KLHL15: variants seen among roughly 807,000 people sequenced by gnomAD.
The protein encoded by KLHL15 is kelch-like protein 15.
KLHL15 carries 1 observed loss-of-function variant against 29.3 expected under a neutral mutation model. The observed-to-expected ratio is 0.03, with a 90% confidence interval of 0.01 to 0.16. The LOEUF (loss-of-function observed/expected upper bound fraction) is 0.16, where lower values mean the gene tolerates loss of function less well. KLHL15 is among the 10% of genes least tolerant of loss of function. The pLI is 1.00. For missense variants in KLHL15, 215 were observed against 478.5 expected, an observed-to-expected ratio of 0.45 and a Z score of 5.14; for synonymous variants, 212 against 184.5, an observed-to-expected ratio of 1.15 and a Z score of -1.21.
intron 3 of KLHL15, among the ~76,000 whole-genome samples, chrX:23,998,906 G>A (rs1929250206): frequency 9.1e-6 from 1 of 109,770 alleles, no homozygotes; most frequent in Non-Finnish European, 1.9e-5. Flanking sequence ...TTTTTTAAAT[G>A]TATTTATTTA....
rs145080138 is a variant in KLHL15 at position 24,011,829 on chromosome X, A to G, written c.-7-5129T>C. 3.9e-3 allele frequency among the ~76,000 whole-genome samples: 431 copies of G among 110,243 alleles called. 4 individuals carry two copies. Among genetic ancestry groups the G allele is most frequent in the African/African-American group, 0.014 (413 of 30,305 alleles). On this transcript the variant is annotated intron_variant, in intron 2 of 3. Transcript: ENST00000328046. ...AAAAAAGAAAAAAAGAAAAAGTCTAAAAGGATAGAATGCCAAAAACATTAA... is the reference window on the plus strand; with the variant it reads ...AAAAAAGAAAAAAAGAAAAAGTCTAGAAGGATAGAATGCCAAAAACATTAA...
In KLHL15 at chrX:24,006,648, T is replaced by C; in HGVS notation, c.46A>G (p.Ser16Gly). The change falls in exon 3 of 4, where the codon AGT becomes GGT. Residue 16 changes from serine (S) to glycine (G), a missense_variant. Ser to Gly is a moderately conservative substitution (Grantham distance 56, BLOSUM62 0). Transcript: ENST00000328046. ...AGTGCTCTGAACCCAGCAGAGACAC[T>C]GGTGTCGTGGATGGAGGAACAGAAT... ...EGFCSSIHDT[S>G]VSAGFRALYE... is the part of the protein sequence containing the mutation. 8.3e-7 allele frequency: 1 copy of C among 1,209,417 alleles called. No homozygotes were observed. The highest frequency in any genetic ancestry group is 3.0e-5 in the East Asian group (1 of 33,808).
chrX:24,023,197 C>G (rs192824218), intron 2 of KLHL15, among the ~76,000 whole-genome samples: 14 of 111,687 alleles, frequency 1.3e-4, no homozygotes, highest in Non-Finnish European at 2.4e-4. Flanking sequence ...TCCATGAAGC[C>G]AAGCCTGCCC....
At chrX:23,990,014 T>C (rs757157243) in intron 3 of KLHL15, among the ~76,000 whole-genome samples, 37 of 109,778 alleles carry the variant, frequency 3.4e-4, no homozygotes, top group African/African-American at 1.2e-3. Context: ...TACCAAGATT[T>C]ATATAAAGCA....
rs1929665869 is a variant in KLHL15 at position 24,015,814 on chromosome X, T to C, written c.-8+9043A>G. Among the ~76,000 whole-genome samples, 3 of 110,420 alleles carry C rather than the reference T, an allele frequency of 2.7e-5. No individual in the cohort carries two copies. The South Asian group carries it at 1.1e-3, about 42-fold the overall frequency. On this transcript the variant is annotated intron_variant, in intron 2 of 3. Transcript: ENST00000328046. The stretch of plus-strand genomic sequence containing the variant: ...AGGAGTTCCAGACCAGCCTGGCCAA[T>C]GTGGTGGAACCCCGTCTCTACTACA...
In KLHL15 at chrX:24,025,621, G is replaced by A. The variant is rs370766361; in HGVS notation, c.-209-563C>T. ...GAGGGGGCCAGCCCGTGGCCTGGCG[G>A]GTGTTTACCTTCCCCCTGGTCGAGC... On this transcript the variant is annotated intron_variant, in intron 1 of 3. Transcript: ENST00000328046. Among the ~76,000 whole-genome samples the A allele has an allele frequency of 3.9e-4, 42 of 108,197 alleles. 3 individuals are homozygous for A. The highest frequency in any genetic ancestry group is 2.4e-3 in the Admixed American group (25 of 10,520). 94.0% of individuals were successfully genotyped at this position (108,197 alleles called of 115,157 possible).
At position 23,988,500 on chromosome X, in the gene KLHL15, A is replaced by G. The variant is rs770096935; in HGVS notation, c.1236T>C (p.Tyr412=). ...CCTCATGTCCATATTTGTTAACTGGATAAGGATCCACAAATTCCCATTTAT... is the reference window on the plus strand; with the variant it reads ...CCTCATGTCCATATTTGTTAACTGGGTAAGGATCCACAAATTCCCATTTAT... ...TNDKWEFVDP[Y]PVNKYGHEGT... The change falls in exon 4 of 4, where the codon TAT becomes TAC. Residue 412 remains tyrosine, a synonymous_variant. Coordinates refer to ENST00000328046, the MANE Select transcript of KLHL15 (RefSeq NM_030624.3). 6.6e-6 allele frequency: 8 copies of G among 1,211,219 alleles called. No individual in the cohort carries two copies. The South Asian group carries it at 8.8e-5, about 13-fold the overall frequency.
intron 2 of KLHL15, among the ~76,000 whole-genome samples, chrX:24,021,158 C>T: frequency 9.0e-6 from 1 of 111,701 alleles, no homozygotes; most frequent in Admixed American, 9.6e-5. Flanking sequence ...AACATATACC[C>T]TTGGCAGAGA....
intron 2 of KLHL15, among the ~76,000 whole-genome samples, chrX:24,022,567 G>C (rs1929832420): frequency 9.4e-6 from 1 of 106,058 alleles, no homozygotes; most frequent in African/African-American, 3.5e-5. Flanking sequence ...CCGGGAGGTG[G>C]AGGTTCCAAT....
intron 2 of KLHL15, among the ~76,000 whole-genome samples, chrX:24,022,481 A>T (rs1929830536): frequency 9.2e-6 from 1 of 108,514 alleles, no homozygotes; most frequent in African/African-American, 3.4e-5. Flanking sequence ...TAAAAATACA[A>T]AAATTAGCCG....
At chrX:24,003,869 C>T (rs1410948481) in intron 3 of KLHL15, among the ~76,000 whole-genome samples, 1 of 107,208 alleles carries the variant, frequency 9.3e-6, no homozygotes, top group African/African-American at 3.4e-5. Flanking sequence ...ACGAGGATCA[C>T]TTCAGGCCAG....
At position 23,985,007 on chromosome X, in the gene KLHL15, T is replaced by C. The variant is rs1186278906; in HGVS notation, c.*2914A>G. 4.4e-5 allele frequency: 5 copies of C among 112,433 alleles called. No individual in the cohort carries two copies. Among genetic ancestry groups the C allele is most frequent in the Non-Finnish European group, 9.4e-5 (5 of 53,259 alleles). 9.3% of individuals were successfully genotyped at this position (112,433 alleles called of 1,213,427 possible). A position where few individuals can be genotyped will look rare whatever the true frequency, so the allele number is the denominator to read the frequency against. On this transcript the variant is annotated 3_prime_UTR_variant, in exon 4 of 4. Transcript: ENST00000328046. ...CTTTGCTTTTTAAAAACCAGTAGCATTTCTTCCAACACAAAACCTTCAAAG... is the reference window on the plus strand; with the variant it reads ...CTTTGCTTTTTAAAAACCAGTAGCACTTCTTCCAACACAAAACCTTCAAAG...
chrX:24,019,821 G>T (rs1017178481), intron 2 of KLHL15, among the ~76,000 whole-genome samples: 1 of 112,065 alleles, frequency 8.9e-6, no homozygotes. Flanking sequence ...TAAAGGCAAA[G>T]AAATTAAATG....
At chrX:24,005,526 C>T (rs966044123) in intron 3 of KLHL15, among the ~76,000 whole-genome samples, 1 of 111,558 alleles carries the variant, frequency 9.0e-6, no homozygotes, top group Non-Finnish European at 1.9e-5. Context: ...TACGTCCTTG[C>T]TATATTTTAG....
chrX:24,013,362 A>C (rs1031253595), intron 2 of KLHL15, among the ~76,000 whole-genome samples: 1 of 111,186 alleles, frequency 9.0e-6, no homozygotes, highest in Non-Finnish European at 1.9e-5. Context: ...TTCTGGGTTC[A>C]AGTGATTCTC....
chrX:24,016,508 A>T (rs936025385), intron 2 of KLHL15, among the ~76,000 whole-genome samples: 1 of 105,934 alleles, frequency 9.4e-6, no homozygotes, highest in Non-Finnish European at 1.9e-5. Context: ...TACTACAAAT[A>T]AAAAAAAAAT....
At chrX:24,009,686 C>CAA (rs748388349) in intron 2 of KLHL15, among the ~76,000 whole-genome samples, 26 of 34,176 alleles carry the variant, frequency 7.6e-4, no homozygotes, top group East Asian at 9.5e-4. Flanking sequence ...GTTCCATTTT[C>CAA]AAAAAAAAAA....
Sources: allele counts gnomAD v4.1 joint callset (sites outside exome capture counted in the v4.1 genomes callset), GRCh38; gene constraint gnomAD v4.1.1; transcripts MANE v1.5; gene names NCBI Gene and HGNC (gene_info 2026-07-23, HGNC 2026-07-21).